Variants in CDYL2 observed in about 807,000 individuals in gnomAD.
CDYL2 encodes chromodomain Y-like protein 2.
A neutral mutation model predicts 49.4 loss-of-function variants in CDYL2; 23 were observed. That is an observed-to-expected ratio of 0.47 (90% CI 0.34 to 0.66). The LOEUF is 0.66. Ranked by LOEUF, CDYL2 falls within the 30% of genes least tolerant of loss-of-function variation. CDYL2 has a pLI of 0.01. For synonymous variants in CDYL2, 360 were observed against 268.8 expected, an observed-to-expected ratio of 1.34 and a Z score of -3.32; for missense variants, 678 against 656.4, an observed-to-expected ratio of 1.03 and a Z score of -0.36.
intron 1 of CDYL2, among the ~76,000 whole-genome samples, chr16:80,723,475 A>G (rs1013428737): frequency 6.6e-6 from 1 of 152,114 alleles, no homozygotes; most frequent in Non-Finnish European, 1.5e-5. Flanking sequence ...AGGTTCCCCA[A>G]ATGCAAACTC....
intron 4 of CDYL2, among the ~76,000 whole-genome samples, chr16:80,614,059 G>T (rs931656628): frequency 7.9e-5 from 12 of 152,188 alleles, no homozygotes; most frequent in African/African-American, 2.9e-4. Flanking sequence ...GCTCCTTAAG[G>T]ACACCCAGAG....
At position 80,598,632 on chromosome 16, in the gene CDYL2, A is replaced by T. The variant is rs1905942904; in HGVS notation, c.*5756T>A. The T allele has an allele frequency of 6.6e-6, 1 of 152,238 alleles. No homozygotes were observed. The highest frequency in any genetic ancestry group is 1.5e-5 in the Non-Finnish European group (1 of 68,056). The allele number at this position is 152,238 out of a possible 1,614,324, so 9.4% of individuals were successfully genotyped here. Reference sequence around the variant, plus strand: ...AGATGGAGGAGTCTACACTGGCCAGATAACCTGGAGGAGTACCAGGCCTCC... The same window carrying T: ...AGATGGAGGAGTCTACACTGGCCAGTTAACCTGGAGGAGTACCAGGCCTCC... On this transcript the variant is annotated 3_prime_UTR_variant, in exon 7 of 7. Coordinates refer to ENST00000570137, the MANE Select transcript of CDYL2 (RefSeq NM_152342.4).
chr16:80,708,052 T>C (rs1310574081), intron 1 of CDYL2, among the ~76,000 whole-genome samples: 2 of 152,290 alleles, frequency 1.3e-5, no homozygotes, highest in East Asian at 3.9e-4. Flanking sequence ...GATGATGCCC[T>C]TTCCCCCTTC....
chr16:80,745,948 G>C (rs1346319363), intron 1 of CDYL2, among the ~76,000 whole-genome samples: 1 of 152,170 alleles, frequency 6.6e-6, no homozygotes, highest in Non-Finnish European at 1.5e-5. Flanking sequence ...ACACAGCCCT[G>C]TGACTGTCAG....
At chr16:80,772,381 T>C (rs1906934705) in intron 1 of CDYL2, among the ~76,000 whole-genome samples, 1 of 152,176 alleles carries the variant, frequency 6.6e-6, no homozygotes, top group Non-Finnish European at 1.5e-5. Context: ...CAACAGCACT[T>C]AAGACAAATG....
chr16:80,709,561 G>GACAGAC (rs1555531900), intron 1 of CDYL2, among the ~76,000 whole-genome samples: 11 of 143,656 alleles, frequency 7.7e-5, no homozygotes, highest in African/African-American at 2.6e-4. Flanking sequence ...GGAATAAACA[G>GACAGAC]ACACACACAC....
At chr16:80,790,385 C>T (rs1050747471) in intron 1 of CDYL2, among the ~76,000 whole-genome samples, 1 of 152,194 alleles carries the variant, frequency 6.6e-6, no homozygotes, top group Non-Finnish European at 1.5e-5. Context: ...CTACACAACA[C>T]CAAAATATAC....
intron 2 of CDYL2, among the ~76,000 whole-genome samples, chr16:80,648,175 T>C (rs1908433269): frequency 6.6e-6 from 1 of 151,748 alleles, no homozygotes; most frequent in African/African-American, 2.4e-5. Context: ...TGGAAATAGA[T>C]AAAATTGAAA....
At chr16:80,729,047 C>A (rs574172164) in intron 1 of CDYL2, among the ~76,000 whole-genome samples, 1 of 151,586 alleles carries the variant, frequency 6.6e-6, no homozygotes, top group African/African-American at 2.4e-5. Flanking sequence ...CATCAACTAA[C>A]GAGAAAATAA....
At chr16:80,674,968 T>A (rs1567566017) in intron 2 of CDYL2, among the ~76,000 whole-genome samples, 1 of 152,196 alleles carries the variant, frequency 6.6e-6, no homozygotes, top group East Asian at 1.9e-4. Context: ...GATGTGTACA[T>A]CTGTGATGTG....
At chr16:80,693,895 C>G (rs1910516824) in intron 1 of CDYL2, among the ~76,000 whole-genome samples, 1 of 152,214 alleles carries the variant, frequency 6.6e-6, no homozygotes, top group Admixed American at 6.5e-5. Flanking sequence ...ACAAATGAAT[C>G]TCACTGTATT....
chr16:80,651,230 T>C (rs1037668035), intron 2 of CDYL2, among the ~76,000 whole-genome samples: 1 of 152,194 alleles, frequency 6.6e-6, no homozygotes, highest in Non-Finnish European at 1.5e-5. Context: ...TACATTTATA[T>C]ACCTACTATG....
chr16:80,666,927 A>C (rs913971254), intron 2 of CDYL2, among the ~76,000 whole-genome samples: 1 of 152,248 alleles, frequency 6.6e-6, no homozygotes, highest in African/African-American at 2.4e-5. Context: ...GTGAACAAAA[A>C]TGGAGACCAT....
At chr16:80,632,895 T>C (rs1021084093) in intron 3 of CDYL2, 124 bp downstream of exon 3, 34 of 920,234 alleles carry the variant, frequency 3.7e-5, no homozygotes, top group Admixed American at 2.4e-4. Flanking sequence ...TGCAGTCAAG[T>C]TTTTATGCAC....
chr16:80,671,730 A>C (rs912940243), intron 2 of CDYL2, among the ~76,000 whole-genome samples: 1 of 152,230 alleles, frequency 6.6e-6, no homozygotes, highest in East Asian at 1.9e-4. Context: ...TGTTCCCCTT[A>C]AACACACACG....
At chr16:80,721,558 C>T (rs1904999241) in intron 1 of CDYL2, among the ~76,000 whole-genome samples, 2 of 152,222 alleles carry the variant, frequency 1.3e-5, no homozygotes, top group African/African-American at 4.8e-5. Flanking sequence ...CCCAGTCATC[C>T]TTTGCAAAGC....
intron 2 of CDYL2, among the ~76,000 whole-genome samples, chr16:80,642,110 CAG>C (rs1430810193): frequency 6.6e-6 from 1 of 151,944 alleles, no homozygotes; most frequent in East Asian, 1.9e-4. Flanking sequence ...TAAATAGAAA[CAG>C]AAGTTGAAAA....
intron 2 of CDYL2, among the ~76,000 whole-genome samples, chr16:80,661,946 A>T (rs1909062324): frequency 6.6e-6 from 1 of 152,204 alleles, no homozygotes. Flanking sequence ...TGACTGCATG[A>T]GCAAACAATC....
At position 80,622,877 on chromosome 16, in the gene CDYL2, G is replaced by A. The variant is rs112420681; in HGVS notation, c.835-1942C>T. Among the ~76,000 whole-genome samples, 1,301 of 152,272 alleles carry A rather than the reference G, an allele frequency of 8.5e-3. 30 individuals carry two copies. The highest frequency in any genetic ancestry group is 0.029 in the African/African-American group (1,211 of 41,552). On this transcript the variant is annotated intron_variant, in intron 3 of 6. Transcript: ENST00000570137. ...ATCACATGAGCAACTATTTTTGGAT[G>A]AGCCTGAAGGTTACAGAGCACTTGC...
Sources: allele counts gnomAD v4.1 joint callset (sites outside exome capture counted in the v4.1 genomes callset), GRCh38; gene constraint gnomAD v4.1.1; transcripts MANE v1.5; gene names NCBI Gene and HGNC (gene_info 2026-07-23, HGNC 2026-07-21).